Variants in USP49 observed in about 807,000 individuals in gnomAD.
The protein encoded by USP49 is ubiquitin carboxyl-terminal hydrolase 49.
USP49 carries 24 observed loss-of-function variants against 58.6 expected under a neutral mutation model. The ratio of observed to expected loss-of-function variants is 0.41; its 90% CI spans 0.30 to 0.58. The LOEUF is 0.58. Ranked by LOEUF, USP49 falls within the 20% of genes least tolerant of loss-of-function variation. USP49 has a pLI of 0.30. For missense variants in USP49, 703 were observed against 866.1 expected (o/e 0.81, Z 2.36); for synonymous variants, 408 against 365.1 (o/e 1.12, Z -1.34).
At chr6:41,885,261 T>G (rs775319106) in intron 2 of USP49, among the ~76,000 whole-genome samples, 11 of 152,202 alleles carry the variant, frequency 7.2e-5, no homozygotes, top group Non-Finnish European at 1.6e-4. Flanking sequence ...ACGCATTCAG[T>G]GCAGAGTGAC....
chr6:41,834,061 C>CTTT (rs1773683320), intron 3 of USP49, among the ~76,000 whole-genome samples: 1 of 152,150 alleles, frequency 6.6e-6, no homozygotes, highest in Non-Finnish European at 1.5e-5. Flanking sequence ...ACATGCACGC[C>CTTT]CATCACTAGG....
At chr6:41,819,493 GTGTATATA>G (rs1481641318) in intron 3 of USP49, among the ~76,000 whole-genome samples, 2 of 151,948 alleles carry the variant, frequency 1.3e-5, no homozygotes, top group East Asian at 3.9e-4. Flanking sequence ...ACATATCAAA[GTGTATATA>G]TGTATATATG....
rs1232079615 is a variant in USP49, at chr6:41,795,959, C to T, written c.*574G>A. The stretch of plus-strand genomic sequence containing the variant: ...GCATGGGGAAATTTGTTCCATGCAT[C>T]TCACTCCACTCTTCAGCTGCTATCC... On this transcript the variant is annotated 3_prime_UTR_variant, in exon 8 of 8. Coordinates refer to ENST00000682992, the MANE Select transcript of USP49 (RefSeq NM_001286554.2). 1 of 152,214 alleles carries T rather than the reference C, an allele frequency of 6.6e-6. No individual in the cohort carries two copies. Among genetic ancestry groups the T allele is most frequent in the African/African-American group, 2.4e-5 (1 of 41,438 alleles). The allele number at this position is 152,214 out of a possible 1,614,324, so 9.4% of individuals were successfully genotyped here.
In USP49 at chr6:41,803,011, C is replaced by T. The variant is rs1219776145; in HGVS notation, c.1561+795G>A. ...GACTTGCTTTCTTGGTTCCACTGTA[C>T]CAATCTTTAGCATCACTTTTGACAG... On this transcript the variant is annotated intron_variant, in intron 5 of 7. Transcript: ENST00000682992. The surrounding 1 kb of genome is among the most constrained non-coding windows in gnomAD (Gnocchi z 4.1). Among the ~76,000 whole-genome samples, 1 of 152,148 alleles carries T rather than the reference C, an allele frequency of 6.6e-6. No homozygotes were observed. Among genetic ancestry groups the T allele is most frequent in the East Asian group, 1.9e-4 (1 of 5,192 alleles).
chr6:41,799,909 G>C lies in USP49; in HGVS notation c.1591C>G (p.Leu531Val), dbSNP rs1032446541. 6.2e-7 allele frequency: 1 copy of C among 1,614,146 alleles called. No homozygotes were observed. Among genetic ancestry groups the C allele is most frequent in the Non-Finnish European group, 8.5e-7 (1 of 1,179,992 alleles). ...TGCTTTCTAGCTTCACTCAGAACAA[G>C]GGGTTTGGGATTGGATTTTCGTCGT... ...SKRRKSNPKP[L>V]VLSEARKQLM... The change falls in exon 6 of 8, where the codon CTT becomes GTT. Residue 531 changes from leucine (L) to valine (V), a missense_variant. Coordinates refer to ENST00000682992, the MANE Select transcript of USP49 (RefSeq NM_001286554.2).
chr6:41,844,667 C>T (rs1227062924), intron 3 of USP49, among the ~76,000 whole-genome samples: 1 of 152,070 alleles, frequency 6.6e-6, no homozygotes, highest in Non-Finnish European at 1.5e-5. Context: ...TCATGGTATT[C>T]CAGAAGACCA....
chr6:41,886,977 T>C (rs976081846), intron 2 of USP49, among the ~76,000 whole-genome samples: 1 of 152,202 alleles, frequency 6.6e-6, no homozygotes, highest in Admixed American at 6.5e-5. Flanking sequence ...ACAAAACAAA[T>C]TGATCCTTAA....
chr6:41,853,292 T>C (rs1400325332), intron 3 of USP49, among the ~76,000 whole-genome samples: 1 of 152,166 alleles, frequency 6.6e-6, no homozygotes, highest in Non-Finnish European at 1.5e-5. Context: ...AGACAAATAC[T>C]GTATGATTCC....
chr6:41,805,835 G>A lies in USP49; in HGVS notation c.1149C>T (p.His383=), dbSNP rs1191359403. 2.5e-6 allele frequency: 4 copies of A among 1,613,920 alleles called. No homozygotes were observed. Among genetic ancestry groups the A allele is most frequent in the East Asian group, 4.5e-5 (2 of 44,890 alleles). The change falls in exon 4 of 8, where the codon CAC becomes CAT. Residue 383 remains histidine (H), a synonymous_variant. Coordinates refer to ENST00000682992, the MANE Select transcript of USP49 (RefSeq NM_001286554.2). ...AGGCAGGGATCAGGCTCCACACTGA[G>A]TGGAGCATGGCGAAGGGCGACACTA... ...WALVSPFAML[H]SVWSLIPAFR...
chr6:41,865,813 T>TC (rs1774304977), intron 3 of USP49, among the ~76,000 whole-genome samples: 1 of 149,172 alleles, frequency 6.7e-6, no homozygotes, highest in Non-Finnish European at 1.5e-5. Context: ...CTTTTTTTTT[T>TC]TTTTTTTTCC....
chr6:41,815,289 C>T (rs183502038), intron 3 of USP49, among the ~76,000 whole-genome samples: 9 of 151,940 alleles, frequency 5.9e-5, no homozygotes, highest in East Asian at 1.9e-4. Flanking sequence ...GGCATAGTGG[C>T]GGGCACCTGT....
chr6:41,834,496 T>C (rs983352406), intron 3 of USP49, among the ~76,000 whole-genome samples: 3 of 152,186 alleles, frequency 2.0e-5, no homozygotes, highest in Non-Finnish European at 4.4e-5. Context: ...TCATGTTGAA[T>C]TGTAATCCCC....
At chr6:41,799,592 C>A (rs1219810239) in intron 6 of USP49, among the ~76,000 whole-genome samples, 1 of 152,200 alleles carries the variant, frequency 6.6e-6, no homozygotes, top group East Asian at 1.9e-4. Context: ...CACAGACACC[C>A]AGTGCAGGCT....
At chr6:41,810,689 G>C (rs1773242677) in intron 3 of USP49, among the ~76,000 whole-genome samples, 1 of 150,862 alleles carries the variant, frequency 6.6e-6, no homozygotes, top group African/African-American at 2.4e-5. Flanking sequence ...TGGGATTACA[G>C]GCAAGGGCCA....
chr6:41,810,508 TA>T (rs993139262), intron 3 of USP49, among the ~76,000 whole-genome samples: 2 of 148,886 alleles, frequency 1.3e-5, no homozygotes, highest in African/African-American at 4.9e-5. Context: ...AAAAAATAAA[TA>T]AAAAATAAAT....
chr6:41,824,241 C>T (rs1773499681), intron 3 of USP49, among the ~76,000 whole-genome samples: 1 of 151,936 alleles, frequency 6.6e-6, no homozygotes, highest in Non-Finnish European at 1.5e-5. Flanking sequence ...TCATAATAAG[C>T]TATTCTTAAA....
At chr6:41,845,812 G>A (rs1018464579) in intron 3 of USP49, among the ~76,000 whole-genome samples, 2 of 152,036 alleles carry the variant, frequency 1.3e-5, no homozygotes, top group African/African-American at 4.8e-5. Flanking sequence ...TGATTTTGGG[G>A]ATTTTAGACT....
At chr6:41,817,818 G>A (rs946535800) in intron 3 of USP49, among the ~76,000 whole-genome samples, 2 of 151,920 alleles carry the variant, frequency 1.3e-5, no homozygotes, top group African/African-American at 4.8e-5. Flanking sequence ...GTTTCACTGT[G>A]TTAGCCAGAC....
chr6:41,798,185 A>C (rs1035372746), intron 7 of USP49: 1 of 160,468 alleles, frequency 6.2e-6, no homozygotes, highest in African/African-American at 2.4e-5. Flanking sequence ...TGTTCTAAGC[A>C]CTTTTACATG....
Sources: allele counts gnomAD v4.1 joint callset (sites outside exome capture counted in the v4.1 genomes callset), GRCh38; gene constraint gnomAD v4.1.1; non-coding constraint Gnocchi (gnomAD v3.1); transcripts MANE v1.5; gene names NCBI Gene and HGNC (gene_info 2026-07-23, HGNC 2026-07-21).